The following CDO1 variants were observed in gnomAD, a reference collection of about 807,000 sequenced individuals.
CDO1 encodes cysteine dioxygenase type 1.
CDO1 carries 19 observed loss-of-function variants against 24.5 expected under a neutral mutation model. The ratio of observed to expected loss-of-function variants is 0.77; its 90% CI spans 0.54 to 1.14. CDO1 has a LOEUF of 1.14. Ranked by LOEUF, CDO1 falls within the 50% of genes most tolerant of loss-of-function variation. CDO1 has a pLI of 0.00. For missense variants in CDO1, 244 were observed against 244.8 expected (o/e 1.00, Z 0.02); for synonymous variants, 91 against 87.0 (o/e 1.05, Z -0.26).
chr5:115,806,112 A>C (rs1196387089), intron 4 of CDO1, among the ~76,000 whole-genome samples: 2 of 152,246 alleles, frequency 1.3e-5, no homozygotes, highest in Non-Finnish European at 2.9e-5. Context: ...TTTCCCAAGT[A>C]AATGAAAACA....
At chr5:115,810,168 G>A (rs535962275) in intron 3 of CDO1, among the ~76,000 whole-genome samples, 65 of 152,282 alleles carry the variant, frequency 4.3e-4, no homozygotes, top group African/African-American at 1.5e-3. Context: ...AATCTGGTGT[G>A]CCTTATAGAT....
In CDO1 at chr5:115,816,373, G is replaced by A. The variant is rs140922998; in HGVS notation, c.25C>T (p.Pro9Ser). ...CGGATCAGATCAGCCAGGGTCCGTGGCTTCAGCACTTCGGTCTGTTCCATC... is the reference window on the plus strand; with the variant it reads ...CGGATCAGATCAGCCAGGGTCCGTGACTTCAGCACTTCGGTCTGTTCCATC... MEQTEVLK[P>S]RTLADLIRIL... The change falls in exon 1 of 5, where the codon CCA becomes TCA. Residue 9 changes from proline to serine, a missense_variant. Pro to Ser is a moderately conservative substitution (Grantham distance 74). Transcript: ENST00000250535. 42 of 1,613,516 alleles carry A rather than the reference G, an allele frequency of 2.6e-5. No homozygotes were observed. Among genetic ancestry groups the A allele is most frequent in the Non-Finnish European group, 3.4e-5 (40 of 1,180,020 alleles).
In CDO1 at chr5:115,811,147, G is replaced by C; in HGVS notation, c.403+14C>G. On this transcript the variant is annotated intron_variant, in intron 3 of 4. Coordinates refer to ENST00000250535, the MANE Select transcript of CDO1 (RefSeq NM_001801.3). ...TTCTTCCCACTTGCCCTTAGAAAAA[G>C]AATAAGATGTTACCATTGATGTAGG... 6.2e-7 allele frequency: 1 copy of C among 1,609,532 alleles called. No homozygotes were observed. Among genetic ancestry groups the C allele is most frequent in the Non-Finnish European group, 8.5e-7 (1 of 1,177,850 alleles).
At chr5:115,812,846 G>A (rs113436115) in intron 2 of CDO1, among the ~76,000 whole-genome samples, 12,648 of 151,678 alleles carry the variant, frequency 0.083, 1,758 homozygotes, top group African/African-American at 0.29. Flanking sequence ...TCAGGAGTTC[G>A]AGACCAGCCT....
intron 1 of CDO1, 36 bp from the exon 2 acceptor site, chr5:115,813,294 C>A (rs780632515): frequency 5.1e-6 from 6 of 1,181,710 alleles, no homozygotes; most frequent in South Asian, 2.5e-5. Flanking sequence ...GTTTTAAGTT[C>A]GTTGCTGAAA....
chr5:115,810,810 A>G (rs542845950), intron 3 of CDO1, among the ~76,000 whole-genome samples: 15 of 152,350 alleles, frequency 9.8e-5, no homozygotes, highest in African/African-American at 3.6e-4. Flanking sequence ...AATTAGTTAC[A>G]GAACATTTTG....
intron 2 of CDO1, among the ~76,000 whole-genome samples, chr5:115,812,051 T>C (rs1431282570): frequency 1.3e-5 from 2 of 152,192 alleles, no homozygotes; most frequent in African/African-American, 4.8e-5. Context: ...TATATACATT[T>C]TGGGTATTCA....
At chr5:115,814,941 C>T (rs1175924271) in intron 1 of CDO1, among the ~76,000 whole-genome samples, 1 of 152,190 alleles carries the variant, frequency 6.6e-6, no homozygotes, top group African/African-American at 2.4e-5. Context: ...GCTAGACTCT[C>T]TGCTAGCTTT....
At chr5:115,815,378 G>C (rs1000858561) in intron 1 of CDO1, among the ~76,000 whole-genome samples, 1 of 152,198 alleles carries the variant, frequency 6.6e-6, no homozygotes, top group South Asian at 2.1e-4. Flanking sequence ...GCTTACCAGG[G>C]CACCTCACTC....
At chr5:115,806,812 G>A (rs1036515674) in intron 3 of CDO1, among the ~76,000 whole-genome samples, 2 of 152,210 alleles carry the variant, frequency 1.3e-5, no homozygotes, top group African/African-American at 4.8e-5. Context: ...AAGTAAGATG[G>A]ATAGCTTTAC....
chr5:115,812,036 G>A (rs1176262973), intron 2 of CDO1, among the ~76,000 whole-genome samples: 2 of 152,038 alleles, frequency 1.3e-5, no homozygotes, highest in Non-Finnish European at 2.9e-5. Flanking sequence ...TAAAATATAT[G>A]TATCTATATA....
In CDO1 at chr5:115,811,179, G is replaced by A. The variant is rs752929831; in HGVS notation, c.385C>T (p.Gln129Ter). The change falls in exon 3 of 5, where the codon CAG becomes TAG. Residue 129 changes from glutamine (Q) to a stop codon, truncating the protein, a stop_gained. Coordinates refer to ENST00000250535, the MANE Select transcript of CDO1 (RefSeq NM_001801.3). LOFTEE classifies it high-confidence loss of function. ...KKSERVLREN[Q>*]CAYINDSIGL... The stretch of plus-strand genomic sequence containing the variant: ...ATGTTACCATTGATGTAGGCACACT[G>A]GTTTTCCCTCAAGACTCTTTCAGAC... 6.2e-7 allele frequency: 1 copy of A among 1,613,596 alleles called. No individual in the cohort carries two copies. The highest frequency in any genetic ancestry group is 8.5e-7 in the Non-Finnish European group (1 of 1,179,670).
Position 115,816,447 on chromosome 5 carries a change from G to C in CDO1, c.-50C>G, listed in dbSNP as rs765942842. On this transcript the variant is annotated 5_prime_UTR_variant, in exon 1 of 5. Transcript: ENST00000250535. The stretch of plus-strand genomic sequence containing the variant: ...CGTCTCACTGCTGGGCTGCGGTGGA[G>C]GAGCTGAGCGAGCCAAGGAGCTGGG... The C allele has an allele frequency of 1.3e-6, 2 of 1,598,134 alleles. No homozygotes were observed. Among genetic ancestry groups the C allele is most frequent in the South Asian group, 2.2e-5 (2 of 90,232 alleles).
intron 1 of CDO1, among the ~76,000 whole-genome samples, chr5:115,815,171 A>C (rs1760373639): frequency 6.6e-6 from 1 of 152,178 alleles, no homozygotes; most frequent in Non-Finnish European, 1.5e-5. Context: ...AAACAAACTT[A>C]CTTCTTTCCT....
intron 3 of CDO1, among the ~76,000 whole-genome samples, chr5:115,808,258 T>C (rs538221308): frequency 1.2e-4 from 18 of 152,184 alleles, no homozygotes; most frequent in African/African-American, 4.1e-4. Flanking sequence ...GGATTACAGG[T>C]GTGAGTCACC....
In CDO1 at chr5:115,816,659, T is replaced by C. The variant is rs995985175; in HGVS notation, c.-262A>G. On this transcript the variant is annotated 5_prime_UTR_variant, in exon 1 of 5. Coordinates refer to ENST00000250535, the MANE Select transcript of CDO1 (RefSeq NM_001801.3). ...CACACACAAATCAGGTTCAGATCTG[T>C]GGGGTTCATCCTCCCGGGCCCCTTT... 7 of 467,316 alleles carry C rather than the reference T, an allele frequency of 1.5e-5. No individual in the cohort carries two copies. The highest frequency in any genetic ancestry group is 4.0e-5 in the East Asian group (1 of 25,278). The allele number at this position is 467,316 out of a possible 1,614,324, so 28.9% of individuals were successfully genotyped here.
At position 115,805,150 on chromosome 5, in the gene CDO1, C is replaced by T; in HGVS notation, c.*283G>A. The T allele has an allele frequency of 2.8e-6, 1 of 355,312 alleles. No individual in the cohort carries two copies. The highest frequency in any genetic ancestry group is 5.0e-6 in the Non-Finnish European group (1 of 198,928). The allele number at this position is 355,312 out of a possible 1,614,324, so 22.0% of individuals were successfully genotyped here. On this transcript the variant is annotated 3_prime_UTR_variant, in exon 5 of 5. Coordinates refer to ENST00000250535, the MANE Select transcript of CDO1 (RefSeq NM_001801.3). Reference sequence around the variant, plus strand: ...GCTATGAAAACCCTCACTGACGCTCCTAGTATGGATTTAATGGAATTAGAG... The same window carrying T: ...GCTATGAAAACCCTCACTGACGCTCTTAGTATGGATTTAATGGAATTAGAG...
At chr5:115,814,746 G>C (rs1440588845) in intron 1 of CDO1, among the ~76,000 whole-genome samples, 1 of 152,218 alleles carries the variant, frequency 6.6e-6, no homozygotes, top group Non-Finnish European at 1.5e-5. Context: ...CAGTGGTTTA[G>C]AGTGTAGGCT....
chr5:115,816,238 C>A lies in CDO1; in HGVS notation c.160G>T (p.Asp54Tyr). Residue 54 changes from aspartate (D) to tyrosine (Y), a missense_variant, in exon 1 of 5, where the codon GAC becomes TAC. Transcript: ENST00000250535. ...CTGCAGCGCGCTCACCTGTACTGGTCGAACTTGGCGTACATTGCCCACTCG... is the reference window on the plus strand; with the variant it reads ...CTGCAGCGCGCTCACCTGTACTGGTAGAACTTGGCGTACATTGCCCACTCG... ...PTEWAMYAKF[D>Y]QYRYTRNLVD... The A allele has an allele frequency of 6.2e-7, 1 of 1,614,118 alleles. No individual in the cohort carries two copies. The highest frequency in any genetic ancestry group is 8.5e-7 in the Non-Finnish European group (1 of 1,180,002).
Sources: allele counts gnomAD v4.1 joint callset (sites outside exome capture counted in the v4.1 genomes callset), GRCh38; gene constraint gnomAD v4.1.1; transcripts MANE v1.5; gene names NCBI Gene and HGNC (gene_info 2026-07-23, HGNC 2026-07-21).